Variants in ITPR1 observed in about 807,000 individuals in gnomAD.
ITPR1 encodes inositol 1,4,5-trisphosphate-gated calcium channel ITPR1.
In ITPR1, 96 loss-of-function variants were observed where a neutral mutation model predicts 318.4. The ratio of observed to expected loss-of-function variants is 0.30; its 90% confidence interval spans 0.26 to 0.36. The LOEUF is 0.36. ITPR1 is among the 10% of genes least tolerant of loss of function. The pLI is 1.00. For synonymous variants in ITPR1, 1,312 were observed against 1,289.9 expected, an observed-to-expected ratio of 1.02 and a Z score of -0.37; for missense variants, 2,440 against 3,460.2, an observed-to-expected ratio of 0.71 and a Z score of 7.40.
intron 4 of ITPR1, among the ~76,000 whole-genome samples, chr3:4,621,035 C>G (rs1035545045): frequency 1.2e-4 from 18 of 151,990 alleles, no homozygotes; most frequent in African/African-American, 3.4e-4. Context: ...TCGTATGCAT[C>G]TCAAACTAAG....
chr3:4,650,104 CAT>C (rs2093559598), intron 10 of ITPR1, among the ~76,000 whole-genome samples: 1 of 152,128 alleles, frequency 6.6e-6, no homozygotes, highest in African/African-American at 2.4e-5. Flanking sequence ...ATGGATGTAT[CAT>C]ATTTTATTTA....
At chr3:4,755,185 T>A (rs1273311918) in intron 44 of ITPR1, among the ~76,000 whole-genome samples, 2 of 151,640 alleles carry the variant, frequency 1.3e-5, no homozygotes, top group Admixed American at 6.6e-5. Flanking sequence ...TTTTTTTTTT[T>A]TTTTTAGGAA....
chr3:4,645,935 C>T, intron 10 of ITPR1: 2 of 517,666 alleles, frequency 3.9e-6, no homozygotes, highest in Admixed American at 3.3e-5. Context: ...CACCTTATTC[C>T]AAAAATGGGT....
chr3:4,650,606 A>T (rs4685791), intron 10 of ITPR1, among the ~76,000 whole-genome samples: 104,105 of 137,128 alleles, frequency 0.76, 39,539 homozygotes, highest in East Asian at 0.94. Context: ...GATATGCCTT[A>T]GTGTGTGTGT....
rs6442907 is a variant in ITPR1 at position 4,782,447 on chromosome 3, T to C, written c.6388-172T>C. The C allele has an allele frequency of 0.97, 489,587 of 505,604 alleles. 237,112 individuals are homozygous for C. Among genetic ancestry groups the C allele is most frequent in the East Asian group, 0.99 (31,082 of 31,444 alleles). 31.3% of individuals were successfully genotyped at this position (505,604 alleles called of 1,614,324 possible). On this transcript the variant is annotated intron_variant, in intron 49 of 61. Coordinates refer to ENST00000649015, the MANE Select transcript of ITPR1 (RefSeq NM_001378452.1). Reference sequence around the variant, plus strand: ...GACAGGAGAGGTGGATTGGTATTGATGGCCTGTGCCAGTGTCATGAAGGAT... The same window carrying C: ...GACAGGAGAGGTGGATTGGTATTGACGGCCTGTGCCAGTGTCATGAAGGAT...
At chr3:4,621,228 A>T (rs1251184589) in intron 4 of ITPR1, among the ~76,000 whole-genome samples, 1 of 152,172 alleles carries the variant, frequency 6.6e-6, no homozygotes, top group African/African-American at 2.4e-5. Flanking sequence ...AGGAAGCACG[A>T]TGCTGGCATC....
At chr3:4,809,305 T>G (rs2048786202) in intron 55 of ITPR1, among the ~76,000 whole-genome samples, 1 of 152,220 alleles carries the variant, frequency 6.6e-6, no homozygotes, top group African/African-American at 2.4e-5. Context: ...ATAGAAGTGT[T>G]CCTCACAGCA....
chr3:4,741,772 A>T (rs1030285010), intron 44 of ITPR1, among the ~76,000 whole-genome samples: 1 of 152,214 alleles, frequency 6.6e-6, no homozygotes, highest in African/African-American at 2.4e-5. Context: ...TTGGTTTGAC[A>T]GGGCAGTCAC....
chr3:4,748,568 T>A (rs2044273372), intron 44 of ITPR1, among the ~76,000 whole-genome samples: 2 of 152,184 alleles, frequency 1.3e-5, no homozygotes, highest in African/African-American at 2.4e-5. Context: ...TCTTCCTCAG[T>A]TATCGTTTCT....
chr3:4,765,432 C>T (rs554665626), intron 44 of ITPR1, among the ~76,000 whole-genome samples: 6 of 152,164 alleles, frequency 3.9e-5, no homozygotes, highest in Admixed American at 1.3e-4. Context: ...TGCATGTCGA[C>T]GATGGAAATC....
intron 12 of ITPR1, among the ~76,000 whole-genome samples, chr3:4,656,805 ACAAAGAAAATGTGCTTCCTCAATAGATG>A (rs2093720093): frequency 6.6e-6 from 1 of 152,204 alleles, no homozygotes; most frequent in Admixed American, 6.5e-5. Context: ...GGCTGTAGTG[ACAAAGAAAATGTGCTTCCTCAATAGATG>A]CAGGTGGAGG....
chr3:4,599,241 A>G (rs996237228), intron 4 of ITPR1, among the ~76,000 whole-genome samples: 4 of 152,218 alleles, frequency 2.6e-5, no homozygotes, highest in Non-Finnish European at 4.4e-5. Context: ...TCACAGAGCT[A>G]GTAACCACAG....
intron 4 of ITPR1, among the ~76,000 whole-genome samples, chr3:4,623,090 C>T (rs948675194): frequency 6.6e-6 from 1 of 152,226 alleles, no homozygotes; most frequent in African/African-American, 2.4e-5. Flanking sequence ...TGCTTCTGCC[C>T]CAACCCAGAG....
intron 4 of ITPR1, among the ~76,000 whole-genome samples, chr3:4,558,938 A>G (rs1250213822): frequency 6.6e-6 from 1 of 152,138 alleles, no homozygotes; most frequent in Non-Finnish European, 1.5e-5. Flanking sequence ...GATAACCACA[A>G]TACCATTATC....
At chr3:4,531,368 G>A (rs2083399351) in intron 4 of ITPR1, among the ~76,000 whole-genome samples, 1 of 152,162 alleles carries the variant, frequency 6.6e-6, no homozygotes, top group Non-Finnish European at 1.5e-5. Context: ...CACCAAAGTT[G>A]CTGCACAGAC....
intron 39 of ITPR1, among the ~76,000 whole-genome samples, chr3:4,714,618 C>T (rs1044535057): frequency 6.6e-6 from 1 of 152,192 alleles, no homozygotes; most frequent in Admixed American, 6.5e-5. Flanking sequence ...TCCTCTCCAG[C>T]CTCTCCTGAG....
At chr3:4,512,109 G>C (rs909799293) in intron 2 of ITPR1, among the ~76,000 whole-genome samples, 5 of 152,094 alleles carry the variant, frequency 3.3e-5, no homozygotes, top group African/African-American at 1.2e-4. Context: ...CAAGTAGCTG[G>C]GGTTACAGAT....
intron 17 of ITPR1, among the ~76,000 whole-genome samples, chr3:4,666,971 C>T (rs1029570522): frequency 6.6e-6 from 1 of 152,136 alleles, no homozygotes; most frequent in African/African-American, 2.4e-5. Flanking sequence ...TCCAGATCTC[C>T]AGGTAGGCTT....
chr3:4,549,681 A>G (rs959566646), intron 4 of ITPR1, among the ~76,000 whole-genome samples: 2 of 152,112 alleles, frequency 1.3e-5, no homozygotes, highest in African/African-American at 4.8e-5. Flanking sequence ...GAATGGAACC[A>G]AAGTCTTGGG....
Sources: allele counts gnomAD v4.1 joint callset (sites outside exome capture counted in the v4.1 genomes callset), GRCh38; gene constraint gnomAD v4.1.1; transcripts MANE v1.5; gene names NCBI Gene and HGNC (gene_info 2026-07-23, HGNC 2026-07-21).